ZNF778: variants seen among roughly 807,000 people sequenced by gnomAD.
The protein encoded by ZNF778 is zinc finger protein 778.
A neutral mutation model predicts 23.9 loss-of-function variants in ZNF778; 37 were observed. The observed-to-expected ratio is 1.54, with a 90% CI of 1.19 to 2.03. ZNF778 has a LOEUF of 2.03. Among genes scored for constraint, ZNF778 ranks in the 30% most tolerant of loss-of-function variants. The pLI, the probability that ZNF778 is intolerant of heterozygous loss-of-function variation, is 0.00. For synonymous variants in ZNF778, 483 were observed against 343.9 expected (o/e 1.40, Z -4.48); for missense variants, 1,297 against 934.4 (o/e 1.39, Z -5.06).
chr16:89,225,900 C>T (rs529060347), intron 6 of ZNF778, among the ~76,000 whole-genome samples: 4 of 140,632 alleles, frequency 2.8e-5, no homozygotes, highest in African/African-American at 1.1e-4. Context: ...GAAGTTAGAG[C>T]AGATGGTGCA....
chr16:89,221,653 C>CTGTGTGTGTGTGTGTGTGTGTGTGTG, intron 2 of ZNF778, among the ~76,000 whole-genome samples: 1 of 137,318 alleles, frequency 7.3e-6, no homozygotes, highest in African/African-American at 2.8e-5. Context: ...CATTGTATGG[C>CTGTGTGTGTGTGTGTGTGTGTGTGTG]TGTGTGTGTG....
chr16:89,228,050 C>G lies in ZNF778; in HGVS notation c.1762C>G (p.Pro588Ala). ...KHIQIHTGIK[P>A]YECKDCGKTF... ...CATTCAGATTCACACTGGAATAAAA[C>G]CTTATGAATGTAAGGACTGTGGGAA... Residue 588 changes from proline (P) to alanine (A), a missense_variant, in exon 7 of 7, where the codon CCT becomes GCT. Transcript: ENST00000433976. 6.3e-7 allele frequency: 1 copy of G among 1,589,324 alleles called. No homozygotes were observed. Among genetic ancestry groups the G allele is most frequent in the East Asian group, 2.3e-5 (1 of 43,502 alleles).
Position 89,231,667 on chromosome 16 carries a change from C to T in ZNF778, c.*3105C>T, listed in dbSNP as rs1373548506. 1 of 152,160 alleles carries T rather than the reference C, an allele frequency of 6.6e-6. No individual in the cohort carries two copies. The highest frequency in any genetic ancestry group is 1.5e-5 in the Non-Finnish European group (1 of 68,044). 9.4% of individuals were successfully genotyped at this position (152,160 alleles called of 1,614,324 possible). On this transcript the variant is annotated 3_prime_UTR_variant, in exon 7 of 7. Coordinates refer to ENST00000433976, the MANE Select transcript of ZNF778 (RefSeq NM_001201407.2). ...CTCAACCAAAACCCACAGCCCTGCACCCCTTGCCTGTAGGAAAATCTGGTA... is the reference window on the plus strand; with the variant it reads ...CTCAACCAAAACCCACAGCCCTGCATCCCTTGCCTGTAGGAAAATCTGGTA...
At position 89,221,229 on chromosome 16, in the gene ZNF778, C is replaced by T. The variant is rs151338552; in HGVS notation, c.25+77C>T. On this transcript the variant is annotated intron_variant, in intron 2 of 6. Coordinates refer to ENST00000433976, the MANE Select transcript of ZNF778 (RefSeq NM_001201407.2). The stretch of plus-strand genomic sequence containing the variant: ...ACAGTGTGTGTATCAGGCCCATGGA[C>T]GGGGCCTGAGTAGTCACGCTCCGGG... 1,515 of 1,475,540 alleles carry T rather than the reference C, an allele frequency of 1.0e-3. 11 individuals are homozygous for T. Among genetic ancestry groups the T allele is most frequent in the Admixed American group, 1.2e-3 (59 of 50,156 alleles). The allele number at this position is 1,475,540 out of a possible 1,614,324, so 91.4% of individuals were successfully genotyped here.
chr16:89,228,922 C>G lies in ZNF778; in HGVS notation c.*360C>G. 1 of 1,010,334 alleles carries G rather than the reference C, an allele frequency of 9.9e-7. No individual in the cohort carries two copies. Among genetic ancestry groups the G allele is most frequent in the Non-Finnish European group, 1.2e-6 (1 of 846,136 alleles). 62.6% of individuals were successfully genotyped at this position (1,010,334 alleles called of 1,614,324 possible). A position where few individuals can be genotyped will look rare whatever the true frequency, so the allele number is the denominator to read the frequency against. ...TGGGAAGTCATTTTTTACATTACAT[C>G]TTTCCTCACCCTTTAGTAAACGTGG... On this transcript the variant is annotated 3_prime_UTR_variant, in exon 7 of 7. Coordinates refer to ENST00000433976, the MANE Select transcript of ZNF778 (RefSeq NM_001201407.2).
intron 3 of ZNF778, 64 bp downstream of exon 3, chr16:89,222,247 T>C: frequency 7.4e-7 from 1 of 1,345,060 alleles, no homozygotes; most frequent in Admixed American, 2.0e-5. Flanking sequence ...GACAAGTTTC[T>C]GTCTGAGCAG....
chr16:89,224,642 T>C (rs551167567), intron 4 of ZNF778, 77 bp from the exon 5 acceptor site: 2 of 1,036,924 alleles, frequency 1.9e-6, no homozygotes, highest in East Asian at 2.6e-5. Flanking sequence ...AAAAAGGAAA[T>C]GTAGTTCCTG....
chr16:89,227,336 T>C lies in ZNF778; in HGVS notation c.1048T>C (p.Ser350Pro). ...ATGCGGAAAAGCCTTCACTGGACTC[T>C]CAGGTCTTTCTAAACACGTCCAAAC... is the stretch of plus-strand genomic sequence containing the variant. ...KECGKAFTGL[S>P]GLSKHVQTDP... is the part of the protein sequence containing the mutation. The change falls in exon 7 of 7, where the codon TCA (serine) becomes CCA (proline). Residue 350 changes from serine to proline, a missense_variant. Ser to Pro is a moderately conservative substitution (Grantham distance 74). Coordinates refer to ENST00000433976, the MANE Select transcript of ZNF778 (RefSeq NM_001201407.2). 1 of 1,613,982 alleles carries C rather than the reference T, an allele frequency of 6.2e-7. No homozygotes were observed. Among genetic ancestry groups the C allele is most frequent in the Non-Finnish European group, 8.5e-7 (1 of 1,179,890 alleles).
chr16:89,226,457 G>A (rs942276015), intron 6 of ZNF778, among the ~76,000 whole-genome samples: 1 of 151,974 alleles, frequency 6.6e-6, no homozygotes, highest in African/African-American at 2.4e-5. Context: ...TGCCCGCCTC[G>A]GCCTCCCAAA....
At position 89,232,493 on chromosome 16, in the gene ZNF778, A is replaced by G. The variant is rs2031976926; in HGVS notation, c.*3931A>G. ...GCAGGACTGCAAGTACTGGTTAGGCAGATACCTGTATTTCTCTTCCTAACT... is the reference window on the plus strand; with the variant it reads ...GCAGGACTGCAAGTACTGGTTAGGCGGATACCTGTATTTCTCTTCCTAACT... On this transcript the variant is annotated 3_prime_UTR_variant, in exon 7 of 7. Coordinates refer to ENST00000433976, the MANE Select transcript of ZNF778 (RefSeq NM_001201407.2). 2 of 521,978 alleles carry G rather than the reference A, an allele frequency of 3.8e-6. No individual in the cohort carries two copies. Among genetic ancestry groups the G allele is most frequent in the Admixed American group, 3.9e-5 (1 of 25,468 alleles). The allele number at this position is 521,978 out of a possible 1,614,324, so 32.3% of individuals were successfully genotyped here.
rs1056694264 is a variant in ZNF778, at chr16:89,235,164, T to A, written c.*6602T>A. On this transcript the variant is annotated 3_prime_UTR_variant, in exon 7 of 7. Transcript: ENST00000433976. ...AAATTTTTGCAAGGCCTCTTTTTTT[T>A]AATGAAGAAAAGAGGTTTATTTTGT... 2 of 152,140 alleles carry A rather than the reference T, an allele frequency of 1.3e-5. No homozygotes were observed. The highest frequency in any genetic ancestry group is 4.8e-5 in the African/African-American group (2 of 41,412). The allele number at this position is 152,140 out of a possible 1,614,324, so 9.4% of individuals were successfully genotyped here.
Position 89,224,747 on chromosome 16 carries a change from C to G in ZNF778, c.273C>G (p.Ile91Met). 5 of 1,535,512 alleles carry G rather than the reference C, an allele frequency of 3.3e-6. No individual in the cohort carries two copies. Among genetic ancestry groups the G allele is most frequent in the South Asian group, 1.2e-5 (1 of 84,042 alleles). ...VGHHLFQPSV[I>M]YWLEQEEELR... ...ATCACCTGTTCCAACCCAGTGTGATCTATTGGCTGGAGCAGGAAGAGGAGT... is the reference window on the plus strand; with the variant it reads ...ATCACCTGTTCCAACCCAGTGTGATGTATTGGCTGGAGCAGGAAGAGGAGT... The change falls in exon 5 of 7, where the codon ATC (isoleucine) becomes ATG (methionine). Residue 91 changes from isoleucine (I) to methionine (M), a missense_variant. Coordinates refer to ENST00000433976, the MANE Select transcript of ZNF778 (RefSeq NM_001201407.2).
intron 1 of ZNF778, among the ~76,000 whole-genome samples, chr16:89,220,704 C>G (rs1479110092): frequency 2.0e-5 from 3 of 152,186 alleles, no homozygotes; most frequent in Non-Finnish European, 2.9e-5. Flanking sequence ...TACCAGCTAA[C>G]CGTCCTGGTT....
rs1385204060 is a variant in ZNF778, at chr16:89,232,616, A to G, written c.*4054A>G. 1.7e-6 allele frequency: 2 copies of G among 1,193,062 alleles called. No homozygotes were observed. Among genetic ancestry groups the G allele is most frequent in the East Asian group, 1.2e-4 (2 of 17,220 alleles). 73.9% of individuals were successfully genotyped at this position (1,193,062 alleles called of 1,614,324 possible). On this transcript the variant is annotated 3_prime_UTR_variant, in exon 7 of 7. Transcript: ENST00000433976. Reference sequence around the variant, plus strand: ...AGGGTTCCTCAGAGTAAGATAAAATATTAAAGGACCAATTGTATTAATTAT... The same window carrying G: ...AGGGTTCCTCAGAGTAAGATAAAATGTTAAAGGACCAATTGTATTAATTAT...
Position 89,232,725 on chromosome 16 carries a change from C to T in ZNF778, c.*4163C>T, listed in dbSNP as rs992596255. ...ACCGTCCCTCTCAGGCTAGATCATT[C>T]CTAAAGATGGTAAACAACTTGCTGG... On this transcript the variant is annotated 3_prime_UTR_variant, in exon 7 of 7. Coordinates refer to ENST00000433976, the MANE Select transcript of ZNF778 (RefSeq NM_001201407.2). 7 of 1,279,094 alleles carry T rather than the reference C, an allele frequency of 5.5e-6. No individual in the cohort carries two copies. The highest frequency in any genetic ancestry group is 7.1e-6 in the Non-Finnish European group (7 of 982,322). The allele number at this position is 1,279,094 out of a possible 1,614,324, so 79.2% of individuals were successfully genotyped here. A position where few individuals can be genotyped will look rare whatever the true frequency, so the allele number is the denominator to read the frequency against.
chr16:89,227,994 C>G lies in ZNF778; in HGVS notation c.1706C>G (p.Ser569Cys). ...KPFICTVCRKSFRNSSCLNKH... is the reference protein window; with the variant it reads ...KPFICTVCRKCFRNSSCLNKH... ...TTTATATGTACGGTATGCAGGAAAT[C>G]CTTCAGAAATTCCTCGTGCCTGAAT... The change falls in exon 7 of 7, where the codon TCC becomes TGC. Residue 569 changes from serine (S) to cysteine (C), a missense_variant. Transcript: ENST00000433976. The G allele has an allele frequency of 6.3e-7, 1 of 1,589,214 alleles. No homozygotes were observed.
intron 1 of ZNF778, among the ~76,000 whole-genome samples, chr16:89,220,110 C>T (rs1018892950): frequency 6.6e-6 from 1 of 152,228 alleles, no homozygotes; most frequent in Non-Finnish European, 1.5e-5. Context: ...CTGAATATTA[C>T]ATCCCTTTTT....
intron 2 of ZNF778, among the ~76,000 whole-genome samples, chr16:89,221,583 C>CTCTGTGTGTG (rs1047428867): frequency 3.1e-4 from 44 of 141,520 alleles, no homozygotes; most frequent in African/African-American, 1.1e-3. Flanking sequence ...CACTGTATGG[C>CTCTGTGTGTG]TGTGTGTGTG....
At position 89,227,658 on chromosome 16, in the gene ZNF778, CCTT is replaced by C; in HGVS notation, c.1373_1375del (p.Phe458del). 1 of 1,614,178 alleles carries C rather than the reference CCTT, an allele frequency of 6.2e-7. No individual in the cohort carries two copies. Among genetic ancestry groups the C allele is most frequent in the Non-Finnish European group, 8.5e-7 (1 of 1,180,008 alleles). On this transcript the variant is annotated inframe_deletion, in exon 7 of 7. Transcript: ENST00000433976. ...TACACGTGTAAGGACTGCGGGAAAG[CCTT>C]CTGTACATCCTCGGGCCTTACTGAG...
Sources: gnomAD v4.1 joint callset for allele counts (sites outside exome capture counted in the v4.1 genomes callset) on GRCh38, gnomAD v4.1.1 for gene constraint, MANE v1.5 for transcripts, NCBI Gene and HGNC (gene_info 2026-07-23, HGNC 2026-07-21) for gene names.